Variants in LINGO2 observed in about 807,000 individuals in gnomAD.
LINGO2 encodes the protein leucine-rich repeat and immunoglobulin-like domain-containing nogo receptor-interacting protein 2.
Under a neutral mutation model 30.6 loss-of-function variants are expected in LINGO2, and 14 were observed. That is an observed-to-expected ratio of 0.46 (90% CI 0.30 to 0.72). The LOEUF is 0.72. Ranked by LOEUF, LINGO2 falls within the 30% of genes least tolerant of loss-of-function variation. The pLI, the probability that LINGO2 is intolerant of heterozygous loss-of-function variation, is 0.07. For missense variants in LINGO2, 729 were observed against 751.7 expected (o/e 0.97, Z 0.35); for synonymous variants, 317 against 288.5 (o/e 1.10, Z -1.00).
chr9:28,971,613 G>T, the LINGO2 span, among the ~76,000 whole-genome samples: 1 of 152,214 alleles, frequency 6.6e-6, no homozygotes, highest in Non-Finnish European at 1.5e-5. Context: ...AATGCTGCCA[G>T]CTCAGCTGCA....
At chr9:28,216,895 T>C (rs1325714911) in intron 4 of LINGO2, among the ~76,000 whole-genome samples, 1 of 151,840 alleles carries the variant, frequency 6.6e-6, no homozygotes, top group Non-Finnish European at 1.5e-5. Flanking sequence ...GATATTCAGG[T>C]GATATTTTAA....
At chr9:28,656,140 C>T (rs1254707122) in intron 1 of LINGO2, among the ~76,000 whole-genome samples, 1 of 151,850 alleles carries the variant, frequency 6.6e-6, no homozygotes, top group Non-Finnish European at 1.5e-5. Context: ...CTGAAGACAA[C>T]CTAAGATATT....
At chr9:28,099,301 C>T (rs897676650) in intron 4 of LINGO2, among the ~76,000 whole-genome samples, 3 of 152,068 alleles carry the variant, frequency 2.0e-5, no homozygotes, top group African/African-American at 7.2e-5. Context: ...ATAAATACAA[C>T]AAAATATCAG....
chr9:28,904,807 A>G, the LINGO2 span, among the ~76,000 whole-genome samples: 1 of 151,982 alleles, frequency 6.6e-6, no homozygotes, highest in African/African-American at 2.4e-5. Flanking sequence ...ATCCCTATTC[A>G]ATGACATTTT....
chr9:28,321,148 T>C (rs572790577), intron 3 of LINGO2, among the ~76,000 whole-genome samples: 48 of 152,298 alleles, frequency 3.2e-4, no homozygotes, highest in African/African-American at 7.9e-4. Context: ...TTTAAAGAAA[T>C]GCTTATCAAA....
At chr9:28,003,953 T>A (rs1482752534) in intron 5 of LINGO2, among the ~76,000 whole-genome samples, 2 of 152,206 alleles carry the variant, frequency 1.3e-5, no homozygotes, top group South Asian at 2.1e-4. Context: ...CAAACATTGC[T>A]GGTTGAATAT....
chr9:28,700,484 A>G, the LINGO2 span, among the ~76,000 whole-genome samples: 1 of 152,070 alleles, frequency 6.6e-6, no homozygotes, highest in African/African-American at 2.4e-5. Context: ...TTTAGAAATG[A>G]ATAATAATCC....
intron 1 of LINGO2, among the ~76,000 whole-genome samples, chr9:28,654,815 T>C (rs1216738664): frequency 1.3e-5 from 2 of 152,142 alleles, no homozygotes; most frequent in East Asian, 1.9e-4. Flanking sequence ...CAGCATCCAA[T>C]TCATAAAATA....
intron 2 of LINGO2, among the ~76,000 whole-genome samples, chr9:28,394,129 C>T (rs566977846): frequency 6.6e-6 from 1 of 152,228 alleles, no homozygotes; most frequent in East Asian, 1.9e-4. Context: ...CCAATGGATT[C>T]GCCCAGGTAA....
intron 4 of LINGO2, among the ~76,000 whole-genome samples, chr9:28,230,880 C>T (rs1181248963): frequency 6.6e-6 from 1 of 151,784 alleles, no homozygotes; most frequent in African/African-American, 2.4e-5. Context: ...CACAGTTTTA[C>T]CCAATATATT....
At chr9:28,128,114 G>T (rs1006339525) in intron 4 of LINGO2, among the ~76,000 whole-genome samples, 1 of 152,202 alleles carries the variant, frequency 6.6e-6, no homozygotes, top group African/African-American at 2.4e-5. Context: ...GGAGTCACAG[G>T]AAGGTAAGTT....
intron 4 of LINGO2, among the ~76,000 whole-genome samples, chr9:28,288,208 C>T (rs1823588279): frequency 6.6e-6 from 1 of 152,168 alleles, no homozygotes; most frequent in Non-Finnish European, 1.5e-5. Context: ...CTAGCCACTA[C>T]CGATACATCC....
chr9:28,256,303 CT>C (rs975886634), intron 4 of LINGO2, among the ~76,000 whole-genome samples: 1 of 151,856 alleles, frequency 6.6e-6, no homozygotes, highest in Non-Finnish European at 1.5e-5. Context: ...ATGTTAGTTC[CT>C]TTTTTTCTTC....
the LINGO2 span, among the ~76,000 whole-genome samples, chr9:29,188,839 C>CCA: frequency 1.0e-5 from 1 of 97,436 alleles, no homozygotes; most frequent in Non-Finnish European, 2.3e-5. Flanking sequence ...GCTGACCCCC[C>CCA]CGCCACCTTC....
the LINGO2 span, among the ~76,000 whole-genome samples, chr9:28,901,596 G>A: frequency 6.6e-6 from 1 of 151,838 alleles, no homozygotes; most frequent in South Asian, 2.1e-4. Flanking sequence ...AAAGTGTAGA[G>A]TTTTTATATG....
At chr9:29,059,424 T>A in the LINGO2 span, among the ~76,000 whole-genome samples, 53 of 149,620 alleles carry the variant, frequency 3.5e-4, no homozygotes, top group African/African-American at 1.2e-3. Context: ...AAAAAATAAA[T>A]AAATAAATAA....
chr9:29,127,934 G>A, the LINGO2 span, among the ~76,000 whole-genome samples: 28 of 152,164 alleles, frequency 1.8e-4, no homozygotes, highest in East Asian at 1.5e-3. Context: ...TCTCTTAAGC[G>A]ATTTGACCTC....
chr9:28,354,973 A>C (rs1208435067), intron 3 of LINGO2, among the ~76,000 whole-genome samples: 2 of 152,182 alleles, frequency 1.3e-5, no homozygotes, highest in East Asian at 3.9e-4. Context: ...TTTTCAGTGC[A>C]GCAGCTTTTA....
At chr9:28,511,302 A>G (rs1006803036) in intron 1 of LINGO2, among the ~76,000 whole-genome samples, 4 of 152,176 alleles carry the variant, frequency 2.6e-5, no homozygotes, top group African/African-American at 9.7e-5. Flanking sequence ...GTCCAATATA[A>G]TCAACCTGCC....
Sources: gnomAD v4.1 joint callset for allele counts (sites outside exome capture counted in the v4.1 genomes callset) on GRCh38, gnomAD v4.1.1 for gene constraint, MANE v1.5 for transcripts, NCBI Gene and HGNC (gene_info 2026-07-23, HGNC 2026-07-21) for gene names.